Variants in EZH2 observed in about 807,000 individuals in gnomAD.
EZH2 encodes enhancer of zeste 2 polycomb repressive complex 2 subunit.
A neutral mutation model predicts 98.4 loss-of-function variants in EZH2; 18 were observed. The ratio of observed to expected loss-of-function variants is 0.18; its 90% CI spans 0.13 to 0.27. The LOEUF (loss-of-function observed/expected upper bound fraction) is 0.27, where lower values mean the gene tolerates loss of function less well. EZH2 is among the 10% of genes least tolerant of loss of function. The probability of loss-of-function intolerance (pLI) is 1.00; values close to 1 mark genes in which losing one functional copy is unlikely to be tolerated. For synonymous variants in EZH2, 338 were observed against 312.3 expected (o/e 1.08, Z -0.87); for missense variants, 470 against 935.1 (o/e 0.50, Z 6.49).
chr7:148,814,180 C>CA, intron 14 of EZH2, 43 bp from the exon 15 acceptor site: 1 of 1,585,130 alleles, frequency 6.3e-7, no homozygotes, highest in Non-Finnish European at 8.6e-7. Flanking sequence ...TCACCGTATG[C>CA]AAAAACTTGC....
In EZH2 at chr7:148,873,178, G is replaced by A. The variant is rs551315258; in HGVS notation, c.-8+10986C>T. Among the ~76,000 whole-genome samples, 3 of 151,316 alleles carry A rather than the reference G, an allele frequency of 2.0e-5. No individual in the cohort carries two copies. In the South Asian group the frequency reaches 6.3e-4, roughly 32 times the overall value. ...AGCCTGGGCAACAGAGTGAAACTGT[G>A]TACAAAAAAGAAAAGAAAAAAGAAA... On this transcript the variant is annotated intron_variant, in intron 1 of 19. Transcript: ENST00000320356.
chr7:148,847,149 G>A (rs1814372118), intron 2 of EZH2, 33 bp downstream of exon 2: 1 of 1,589,082 alleles, frequency 6.3e-7, no homozygotes, highest in African/African-American at 1.4e-5. Flanking sequence ...ATCCTTAATT[G>A]TATATTCATT....
intron 19 of EZH2, 42 bp from the exon 20 acceptor site, chr7:148,807,748 T>C: frequency 1.4e-6 from 2 of 1,413,210 alleles, no homozygotes; most frequent in Non-Finnish European, 1.9e-6. Context: ...TGGCCACCCA[T>C]CCAACATGTG....
At chr7:148,853,822 T>C (rs1816307052) in intron 1 of EZH2, among the ~76,000 whole-genome samples, 1 of 152,226 alleles carries the variant, frequency 6.6e-6, no homozygotes, top group Non-Finnish European at 1.5e-5. Context: ...GCCAACTGTA[T>C]AGGAACATCT....
At chr7:148,873,125 G>A (rs1168854309) in intron 1 of EZH2, among the ~76,000 whole-genome samples, 2 of 152,100 alleles carry the variant, frequency 1.3e-5, no homozygotes. Context: ...TGAGGATGTA[G>A]TGAGCTATGA....
intron 1 of EZH2, among the ~76,000 whole-genome samples, chr7:148,872,807 A>T (rs976461390): frequency 6.6e-6 from 1 of 152,214 alleles, no homozygotes; most frequent in Non-Finnish European, 1.5e-5. Context: ...TAAAATAGAT[A>T]AAGCAGTCAT....
chr7:148,847,121 TAGG>T, intron 2 of EZH2, 58 bp downstream of exon 2: 1 of 1,544,492 alleles, frequency 6.5e-7, no homozygotes, highest in Admixed American at 2.2e-5. Flanking sequence ...TTATTGAACT[TAGG>T]AGGGGAAAAA....
chr7:148,878,811 A>C (rs1034751135), intron 1 of EZH2, among the ~76,000 whole-genome samples: 7 of 152,110 alleles, frequency 4.6e-5, no homozygotes, highest in East Asian at 1.9e-4. Context: ...AGATGGAAGG[A>C]TCGCTTGAGC....
At chr7:148,829,151 G>A (rs1023747971) in intron 5 of EZH2, among the ~76,000 whole-genome samples, 4 of 152,114 alleles carry the variant, frequency 2.6e-5, no homozygotes, top group African/African-American at 9.7e-5. Flanking sequence ...ACTGATTGTG[G>A]CTTTGGCCTC....
chr7:148,865,178 T>C (rs1403155022), intron 1 of EZH2, among the ~76,000 whole-genome samples: 2 of 151,320 alleles, frequency 1.3e-5, no homozygotes, highest in Admixed American at 1.3e-4. Flanking sequence ...CAAAATTCAT[T>C]ATAATTCAAA....
chr7:148,846,393 C>A, intron 3 of EZH2, 77 bp downstream of exon 3: 2 of 1,510,862 alleles, frequency 1.3e-6, no homozygotes, highest in Non-Finnish European at 9.0e-7. Context: ...TGATTTCCTC[C>A]CAATAACCAA....
chr7:148,847,308 A>G lies in EZH2; in HGVS notation c.-7-3T>C, dbSNP rs752311877. ...TCCCAGTCTGGCCCATGATTATTCT[A>G]AAAGCAATGGTTTCATATTAAAATC... On this transcript the variant is annotated splice_region_variant and splice_polypyrimidine_tract_variant and intron_variant, in intron 1 of 19. Coordinates refer to ENST00000320356, the MANE Select transcript of EZH2 (RefSeq NM_004456.5). The G allele has an allele frequency of 4.0e-5, 64 of 1,613,028 alleles. No homozygotes were observed. In the South Asian group the frequency reaches 6.8e-4, roughly 17 times the overall value.
At chr7:148,859,625 A>G (rs1390012692) in intron 1 of EZH2, among the ~76,000 whole-genome samples, 2 of 152,206 alleles carry the variant, frequency 1.3e-5, no homozygotes, top group South Asian at 2.1e-4. Context: ...GTGGCAAACA[A>G]AGGAATGTGA....
chr7:148,822,577 C>T (rs930008676), intron 8 of EZH2, among the ~76,000 whole-genome samples: 1 of 151,438 alleles, frequency 6.6e-6, no homozygotes, highest in Non-Finnish European at 1.5e-5. Flanking sequence ...AATTGCAACT[C>T]ATATTTCAAA....
intron 3 of EZH2, among the ~76,000 whole-genome samples, chr7:148,837,159 G>T (rs968825971): frequency 6.6e-6 from 1 of 152,154 alleles, no homozygotes. Flanking sequence ...AGCCATGGCC[G>T]TCCTGCCTCT....
At chr7:148,839,106 A>AAGGAAGGAAGGT (rs1264936722) in intron 3 of EZH2, among the ~76,000 whole-genome samples, 1 of 149,574 alleles carries the variant, frequency 6.7e-6, no homozygotes, top group Non-Finnish European at 1.5e-5. Flanking sequence ...GGAAGGAAGG[A>AAGGAAGGAAGGT]AAGTGAGTGA....
Position 148,861,669 on chromosome 7 carries a change from T to TA in EZH2, c.-7-14365dup, listed in dbSNP as rs535380618. Among the ~76,000 whole-genome samples the TA allele has an allele frequency of 2.7e-3, 409 of 152,068 alleles. 3 individuals are homozygous for TA. Among genetic ancestry groups the TA allele is most frequent in the Admixed American group, 4.7e-3 (71 of 15,264 alleles). On this transcript the variant is annotated intron_variant, in intron 1 of 19. Coordinates refer to ENST00000320356, the MANE Select transcript of EZH2 (RefSeq NM_004456.5). ...TTTTAAAAAGAAACTTATTTTCCTT[T>TA]AAAAAAAATTAGTGAGTGAGGGCAA...
intron 12 of EZH2, among the ~76,000 whole-genome samples, chr7:148,816,082 C>T (rs981905262): frequency 1.3e-5 from 2 of 152,192 alleles, no homozygotes; most frequent in Non-Finnish European, 2.9e-5. Flanking sequence ...AATCTAACTG[C>T]ACCCTTACCT....
chr7:148,873,960 G>A (rs1658870898), intron 1 of EZH2, among the ~76,000 whole-genome samples: 1 of 152,178 alleles, frequency 6.6e-6, no homozygotes, highest in East Asian at 1.9e-4. Flanking sequence ...CAAGCCAGAA[G>A]CTGAACAGCA....
Sources: gnomAD v4.1 joint callset for allele counts (sites outside exome capture counted in the v4.1 genomes callset) on GRCh38, gnomAD v4.1.1 for gene constraint, MANE v1.5 for transcripts, NCBI Gene and HGNC (gene_info 2026-07-23, HGNC 2026-07-21) for gene names.